Variants in HYAL4 observed in about 807,000 individuals in gnomAD.
HYAL4 encodes hyaluronidase 4.
Under a neutral mutation model 35.2 loss-of-function variants are expected in HYAL4, and 37 were observed. The ratio of observed to expected loss-of-function variants is 1.05; its 90% confidence interval spans 0.81 to 1.38. The LOEUF is 1.38. Among genes scored for constraint, HYAL4 ranks in the 40% most tolerant of loss-of-function variants. HYAL4 has a pLI of 0.00. For synonymous variants in HYAL4, 198 were observed against 203.2 expected (o/e 0.97, Z 0.22); for missense variants, 572 against 572.4 (o/e 1.00, Z 0.01).
the HYAL4 span, among the ~76,000 whole-genome samples, chr7:123,822,273 A>G: frequency 1.3e-5 from 2 of 152,202 alleles, no homozygotes; most frequent in African/African-American, 4.8e-5. Context: ...TTTTCTATCC[A>G]TAAACATAGG....
Position 123,868,228 on chromosome 7 carries a change from C to A in HYAL4, c.-46C>A. On this transcript the variant is annotated 5_prime_UTR_variant, in exon 3 of 5. Coordinates refer to ENST00000223026, the MANE Select transcript of HYAL4 (RefSeq NM_012269.3). The stretch of plus-strand genomic sequence containing the variant: ...AAAATTAAATCTCTCCACAGGTCTT[C>A]TAGAGTGCACTAAAGCAGAAGATAA... The A allele has an allele frequency of 9.3e-7, 1 of 1,080,638 alleles. No homozygotes were observed. The highest frequency in any genetic ancestry group is 1.3e-6 in the Non-Finnish European group (1 of 761,262). The allele number at this position is 1,080,638 out of a possible 1,614,324, so 66.9% of individuals were successfully genotyped here.
chr7:123,861,426 G>A (rs1469660332), intron 2 of HYAL4, among the ~76,000 whole-genome samples: 2 of 152,126 alleles, frequency 1.3e-5, no homozygotes, highest in Non-Finnish European at 2.9e-5. Flanking sequence ...GGTTGACAGA[G>A]GGAACATTCT....
At chr7:123,814,288 C>T in the HYAL4 span, 1 of 152,560 alleles carries the variant, frequency 6.6e-6, no homozygotes, top group East Asian at 1.9e-4. Context: ...GTATGCCTTC[C>T]TTCAACGTGG....
chr7:123,838,523 T>C (rs966903778), intron 1 of HYAL4, among the ~76,000 whole-genome samples: 1 of 152,072 alleles, frequency 6.6e-6, no homozygotes, highest in Non-Finnish European at 1.5e-5. Flanking sequence ...GGCTTTTGCA[T>C]TGGCTTTTTA....
upstream of HYAL4, among the ~76,000 whole-genome samples, chr7:123,841,867 T>C (rs1271931133): frequency 6.6e-6 from 1 of 152,028 alleles, no homozygotes; most frequent in African/African-American, 2.4e-5. Context: ...ATTGCATCTG[T>C]GTGATTCTTC....
At chr7:123,843,552 G>A (rs1218967662), upstream of HYAL4, among the ~76,000 whole-genome samples, 1 of 152,032 alleles carries the variant, frequency 6.6e-6, no homozygotes, top group African/African-American at 2.4e-5. Flanking sequence ...CTGCCTTGCT[G>A]TGTTGGGGAA....
At chr7:123,793,566 T>G in the HYAL4 span, among the ~76,000 whole-genome samples, 6 of 152,304 alleles carry the variant, frequency 3.9e-5, no homozygotes, top group African/African-American at 1.4e-4. Context: ...CTTTTCATGA[T>G]AGTGAGTTCT....
At chr7:123,772,042 C>T in the HYAL4 span, among the ~76,000 whole-genome samples, 1 of 152,078 alleles carries the variant, frequency 6.6e-6, no homozygotes, top group African/African-American at 2.4e-5. Flanking sequence ...TATCAGCTCC[C>T]CTGGGTCTCA....
intron 3 of HYAL4, among the ~76,000 whole-genome samples, chr7:123,870,748 A>G (rs1229656885): frequency 1.3e-5 from 2 of 151,486 alleles, no homozygotes; most frequent in Non-Finnish European, 2.9e-5. Context: ...CGACAGAGCG[A>G]AACTCCATCT....
At chr7:123,809,595 C>T in the HYAL4 span, among the ~76,000 whole-genome samples, 6 of 151,874 alleles carry the variant, frequency 4.0e-5, no homozygotes, top group African/African-American at 7.3e-5. Flanking sequence ...GACAGGGTTT[C>T]GCCTTGTTGC....
At chr7:123,849,347 CTGGAGTGCATCG>C (rs1439790707) in intron 2 of HYAL4, among the ~76,000 whole-genome samples, 50 of 151,906 alleles carry the variant, frequency 3.3e-4, no homozygotes, top group African/African-American at 1.2e-3. Flanking sequence ...GTCACCCAAG[CTGGAGTGCATCG>C]GCGCGATCTT....
chr7:123,857,295 C>T (rs1188403780), intron 2 of HYAL4, among the ~76,000 whole-genome samples: 3 of 152,112 alleles, frequency 2.0e-5, no homozygotes, highest in Non-Finnish European at 4.4e-5. Context: ...TGCTTGAAAC[C>T]CAGGACCCTG....
the HYAL4 span, among the ~76,000 whole-genome samples, chr7:123,774,318 C>G: frequency 2.6e-5 from 4 of 152,322 alleles, no homozygotes; most frequent in African/African-American, 9.6e-5. Flanking sequence ...GGATTATAGG[C>G]GTGAGCCACC....
At chr7:123,769,563 G>T in the HYAL4 span, among the ~76,000 whole-genome samples, 11 of 152,238 alleles carry the variant, frequency 7.2e-5, no homozygotes, top group Non-Finnish European at 7.4e-5. Context: ...CTTGACTGAG[G>T]TGGCTCTCTG....
chr7:123,805,496 G>C, the HYAL4 span, among the ~76,000 whole-genome samples: 5 of 152,092 alleles, frequency 3.3e-5, no homozygotes, highest in Non-Finnish European at 7.4e-5. Flanking sequence ...AAAGTGATAG[G>C]TATGAAATGT....
upstream of HYAL4, among the ~76,000 whole-genome samples, chr7:123,826,311 C>T (rs1261171843): frequency 1.3e-5 from 2 of 152,044 alleles, no homozygotes; most frequent in African/African-American, 4.8e-5. Context: ...TGAGAAGATG[C>T]AGAGAGTTGG....
the HYAL4 span, among the ~76,000 whole-genome samples, chr7:123,779,365 G>C: frequency 6.6e-6 from 1 of 152,086 alleles, no homozygotes; most frequent in Non-Finnish European, 1.5e-5. Context: ...GACAATGAAG[G>C]AGAATTGAAA....
the HYAL4 span, among the ~76,000 whole-genome samples, chr7:123,770,511 T>C: frequency 1.3e-5 from 2 of 150,382 alleles, no homozygotes; most frequent in Non-Finnish European, 3.0e-5. Context: ...ACATTAAAGT[T>C]GGAAAGATAG....
At position 123,869,837 on chromosome 7, in the gene HYAL4, AC is replaced by A. The variant is rs36110237; in HGVS notation, c.954+619del. Among the ~76,000 whole-genome samples the A allele has an allele frequency of 4.9e-4, 68 of 140,114 alleles. 1 individual carries two copies. The highest frequency in any genetic ancestry group is 1.1e-3 in the African/African-American group (39 of 37,020). The allele number at this position is 140,114 out of a possible 152,430, so 91.9% of individuals were successfully genotyped here. A position where few individuals can be genotyped will look rare whatever the true frequency, so the allele number is the denominator to read the frequency against. On this transcript the variant is annotated intron_variant, in intron 3 of 4. Coordinates refer to ENST00000223026, the MANE Select transcript of HYAL4 (RefSeq NM_012269.3). ...CAAGTAGCTGGGTTTACAGGTGCTCACCCCCCCCCACCCAGCTAATTTTTGT... is the reference window on the plus strand; with the variant it reads ...CAAGTAGCTGGGTTTACAGGTGCTCACCCCCCCCACCCAGCTAATTTTTGT...
Sources: allele counts gnomAD v4.1 joint callset (sites outside exome capture counted in the v4.1 genomes callset), GRCh38; gene constraint gnomAD v4.1.1; transcripts MANE v1.5; gene names NCBI Gene and HGNC (gene_info 2026-07-23, HGNC 2026-07-21).